Variants in MANBA observed in about 807,000 individuals in gnomAD.
MANBA encodes beta-mannosidase.
Under a neutral mutation model 111.1 loss-of-function variants are expected in MANBA, and 83 were observed. The ratio of observed to expected loss-of-function variants is 0.75; its 90% CI spans 0.63 to 0.90. The LOEUF (loss-of-function observed/expected upper bound fraction) is 0.90. Among genes scored for constraint, MANBA ranks in the 40% least tolerant of loss-of-function variants. MANBA has a pLI of 0.00. For missense variants in MANBA, 1,036 were observed against 1,069.0 expected, an observed-to-expected ratio of 0.97 and a Z score of 0.43; for synonymous variants, 370 against 378.7, an observed-to-expected ratio of 0.98 and a Z score of 0.27.
chr4:102,676,576 A>AGG (rs2110229010), intron 7 of MANBA, among the ~76,000 whole-genome samples: 1 of 152,286 alleles, frequency 6.6e-6, no homozygotes, highest in Non-Finnish European at 1.5e-5. Context: ...GACTGGCCTG[A>AGG]TATCTCATCT....
chr4:102,641,428 A>G (rs1373076864), intron 13 of MANBA, among the ~76,000 whole-genome samples: 1 of 152,232 alleles, frequency 6.6e-6, no homozygotes, highest in Non-Finnish European at 1.5e-5. Context: ...TACATTTCCA[A>G]AAGATGACTG....
intron 5 of MANBA, among the ~76,000 whole-genome samples, chr4:102,708,795 G>A (rs1180882372): frequency 6.6e-6 from 1 of 151,584 alleles, no homozygotes; most frequent in African/African-American, 2.4e-5. Context: ...TCAGAAAGTT[G>A]TACTTTAGAC....
intron 13 of MANBA, among the ~76,000 whole-genome samples, chr4:102,649,089 CT>C (rs1200270038): frequency 3.9e-5 from 6 of 152,218 alleles, no homozygotes; most frequent in Admixed American, 1.3e-4. Context: ...GTAGTTTATT[CT>C]TTTTTTATTG....
At chr4:102,670,208 C>T (rs916621223) in intron 9 of MANBA, among the ~76,000 whole-genome samples, 6 of 150,244 alleles carry the variant, frequency 4.0e-5, no homozygotes, top group African/African-American at 1.5e-4. Context: ...CTGTCTGAGT[C>T]GGAATTTCAT....
intron 15 of MANBA, 87 bp from the exon 16 acceptor site, chr4:102,635,132 A>G: frequency 6.8e-7 from 1 of 1,469,832 alleles, no homozygotes; most frequent in South Asian, 1.2e-5. Flanking sequence ...GCTGAAAGTC[A>G]GGTTAGCAGA....
At chr4:102,653,931 G>GAAGGAAGGAATT (rs1359149405) in intron 12 of MANBA, among the ~76,000 whole-genome samples, 2 of 152,080 alleles carry the variant, frequency 1.3e-5, no homozygotes, top group Non-Finnish European at 2.9e-5. Flanking sequence ...AGGAAGGAAT[G>GAAGGAAGGAATT]AAGGAAGCAA....
intron 1 of MANBA, among the ~76,000 whole-genome samples, chr4:102,731,094 C>T (rs1336818182): frequency 6.6e-6 from 1 of 152,054 alleles, no homozygotes; most frequent in African/African-American, 2.4e-5. Context: ...GGATAAAAAC[C>T]CCCTGGTCTC....
At chr4:102,759,594 C>T (rs1341042817) in intron 1 of MANBA, among the ~76,000 whole-genome samples, 1 of 150,284 alleles carries the variant, frequency 6.7e-6, no homozygotes, top group East Asian at 1.9e-4. Flanking sequence ...TACTAAGTAC[C>T]AGGTCAGAAA....
intron 5 of MANBA, among the ~76,000 whole-genome samples, chr4:102,701,756 T>C (rs1289917858): frequency 6.6e-6 from 1 of 152,106 alleles, no homozygotes; most frequent in African/African-American, 2.4e-5. Context: ...CTTCCCTTTG[T>C]GGGTAACCTG....
chr4:102,713,639 C>T (rs930386623), intron 5 of MANBA, among the ~76,000 whole-genome samples: 9 of 152,140 alleles, frequency 5.9e-5, no homozygotes, highest in Non-Finnish European at 1.2e-4. Flanking sequence ...CAGTGGCTTA[C>T]GCCTGTAATC....
At chr4:102,681,844 G>A (rs1352677118) in intron 7 of MANBA, among the ~76,000 whole-genome samples, 6 of 152,090 alleles carry the variant, frequency 3.9e-5, no homozygotes, top group East Asian at 1.9e-4. Context: ...GGGAATGACT[G>A]TATAACTAAG....
intron 1 of MANBA, chr4:102,752,468 T>C: frequency 1.3e-6 from 1 of 764,508 alleles, no homozygotes; most frequent in Non-Finnish European, 2.4e-6. Context: ...TCAGGATCTT[T>C]AGATAACATT....
chr4:102,668,301 T>C (rs1057448319), intron 10 of MANBA: 10 of 153,458 alleles, frequency 6.5e-5, no homozygotes, highest in Non-Finnish European at 4.3e-5. Flanking sequence ...GAAAAGAAGA[T>C]ATCCAGGATC....
chr4:102,638,015 C>T (rs548376732), intron 14 of MANBA, among the ~76,000 whole-genome samples: 20 of 152,314 alleles, frequency 1.3e-4, no homozygotes, highest in African/African-American at 4.6e-4. Context: ...GGAGGGCACT[C>T]GCATGGTGTC....
Position 102,631,186 on chromosome 4 carries a change from A to G in MANBA, c.*871T>C, listed in dbSNP as rs1295580222. ...AAATGAGGATACTCTTAGATACTGA[A>G]GAAGACTGGATTGTCTGTAGTTACT... On this transcript the variant is annotated 3_prime_UTR_variant, in exon 17 of 17. Coordinates refer to ENST00000647097, the MANE Select transcript of MANBA (RefSeq NM_005908.4). 1 of 151,750 alleles carries G rather than the reference A, an allele frequency of 6.6e-6. No homozygotes were observed. Among genetic ancestry groups the G allele is most frequent in the Non-Finnish European group, 1.5e-5 (1 of 68,068 alleles). 9.4% of individuals were successfully genotyped at this position (151,750 alleles called of 1,614,324 possible).
At chr4:102,690,497 G>A (rs1366857363) in intron 6 of MANBA, 99 bp downstream of exon 6, 2 of 1,144,108 alleles carry the variant, frequency 1.7e-6, no homozygotes, top group East Asian at 5.0e-5. Context: ...AGCAGAGAAA[G>A]TAGAATTTTC....
intron 2 of MANBA, 37 bp downstream of exon 2, chr4:102,726,552 C>G: frequency 9.0e-7 from 1 of 1,113,878 alleles, no homozygotes; most frequent in Non-Finnish European, 1.3e-6. Flanking sequence ...AAGAAAAGTT[C>G]AAATAATAAT....
chr4:102,660,001 G>A (rs750135100), intron 11 of MANBA, among the ~76,000 whole-genome samples: 1 of 152,102 alleles, frequency 6.6e-6, no homozygotes, highest in Non-Finnish European at 1.5e-5. Context: ...TCACATGGAT[G>A]TTCTGATTAC....
chr4:102,685,152 C>T (rs1195808390), intron 7 of MANBA, among the ~76,000 whole-genome samples: 3 of 152,072 alleles, frequency 2.0e-5, no homozygotes, highest in African/African-American at 7.2e-5. Context: ...GGGAGGCTCG[C>T]AGAAGGGAGG....
Sources: gnomAD v4.1 joint callset for allele counts (sites outside exome capture counted in the v4.1 genomes callset) on GRCh38, gnomAD v4.1.1 for gene constraint, MANE v1.5 for transcripts, NCBI Gene and HGNC (gene_info 2026-07-23, HGNC 2026-07-21) for gene names.